Variants in TSHZ2 observed in about 807,000 individuals in gnomAD.
The protein encoded by TSHZ2 is teashirt zinc finger homeobox 2.
Under a neutral mutation model 74.4 loss-of-function variants are expected in TSHZ2, and 21 were observed. The ratio of observed to expected loss-of-function variants is 0.28; its 90% CI spans 0.20 to 0.41. TSHZ2 has a LOEUF of 0.41. Ranked by LOEUF, TSHZ2 falls within the 10% of genes least tolerant of loss-of-function variation. The probability of loss-of-function intolerance (pLI) is 1.00; values close to 1 mark genes in which losing one functional copy is unlikely to be tolerated. For missense variants in TSHZ2, 1,244 were observed against 1,293.5 expected (o/e 0.96, Z 0.59); for synonymous variants, 540 against 515.3 (o/e 1.05, Z -0.65).
chr20:53,251,340 T>C (rs1173386159), intron 1 of TSHZ2, among the ~76,000 whole-genome samples: 1 of 152,272 alleles, frequency 6.6e-6, no homozygotes. Context: ...CAACTTATTT[T>C]ATCATTTGTT....
At chr20:53,016,919 G>A (rs1266160422) in intron 1 of TSHZ2, among the ~76,000 whole-genome samples, 1 of 152,090 alleles carries the variant, frequency 6.6e-6, no homozygotes, top group Non-Finnish European at 1.5e-5. Context: ...TGAGTTGCAG[G>A]TGGGGGGCTT....
chr20:53,332,349 A>G (rs1233983492), intron 2 of TSHZ2, among the ~76,000 whole-genome samples: 3 of 152,304 alleles, frequency 2.0e-5, no homozygotes, highest in African/African-American at 7.2e-5. Flanking sequence ...TCAAAGGCAA[A>G]GGCAACAGCA....
At chr20:53,354,275 TGTG>T (rs1435181712) in intron 2 of TSHZ2, among the ~76,000 whole-genome samples, 1 of 152,180 alleles carries the variant, frequency 6.6e-6, no homozygotes, top group African/African-American at 2.4e-5. Context: ...ATGGTGCTCT[TGTG>T]GTGGCCTGTA....
intron 1 of TSHZ2, among the ~76,000 whole-genome samples, chr20:53,184,391 G>C (rs1172640286): frequency 6.6e-6 from 1 of 152,048 alleles, no homozygotes; most frequent in Non-Finnish European, 1.5e-5. Flanking sequence ...ACGCATCTTG[G>C]AGTTACTGTG....
intron 1 of TSHZ2, among the ~76,000 whole-genome samples, chr20:53,029,383 G>A (rs1983555890): frequency 6.6e-6 from 1 of 152,136 alleles, no homozygotes; most frequent in Admixed American, 6.6e-5. Flanking sequence ...GGTTTTAAAG[G>A]CATAAAGATG....
At chr20:53,210,135 C>G (rs1989267671) in intron 1 of TSHZ2, among the ~76,000 whole-genome samples, 2 of 152,234 alleles carry the variant, frequency 1.3e-5, no homozygotes, top group South Asian at 4.1e-4. Flanking sequence ...TGCTCAAACC[C>G]CTGAGGGGTG....
intron 1 of TSHZ2, among the ~76,000 whole-genome samples, chr20:53,067,764 G>A (rs1985037964): frequency 1.3e-5 from 2 of 152,238 alleles, no homozygotes; most frequent in African/African-American, 4.8e-5. Flanking sequence ...CAGTTCTGCT[G>A]TGGTTCTCTG....
chr20:53,114,601 G>C (rs993762198), intron 1 of TSHZ2, among the ~76,000 whole-genome samples: 1 of 152,024 alleles, frequency 6.6e-6, no homozygotes, highest in African/African-American at 2.4e-5. Context: ...TGTAAAATGG[G>C]CTTCTCAGTG....
At chr20:53,436,060 T>C (rs1169915254) in intron 2 of TSHZ2, among the ~76,000 whole-genome samples, 1 of 152,204 alleles carries the variant, frequency 6.6e-6, no homozygotes, top group Non-Finnish European at 1.5e-5. Context: ...AATGATAACA[T>C]ATTGTTATGA....
At chr20:53,465,731 A>C (rs748828845) in intron 2 of TSHZ2, among the ~76,000 whole-genome samples, 11 of 152,164 alleles carry the variant, frequency 7.2e-5, no homozygotes, top group South Asian at 2.1e-4. Flanking sequence ...AGTTTATAAG[A>C]GCTATCTTTA....
intron 1 of TSHZ2, among the ~76,000 whole-genome samples, chr20:53,164,300 T>G (rs143535637): frequency 6.6e-6 from 1 of 152,174 alleles, no homozygotes; most frequent in African/African-American, 2.4e-5. Context: ...CTACCAGAAA[T>G]GCAGGTCAAT....
At chr20:53,045,440 G>A (rs1600663365) in intron 1 of TSHZ2, among the ~76,000 whole-genome samples, 1 of 152,292 alleles carries the variant, frequency 6.6e-6, no homozygotes, top group Middle Eastern at 3.4e-3. Flanking sequence ...TGAATTCCTG[G>A]ATCCTTTTGA....
chr20:53,286,332 T>A (rs1205376500), intron 2 of TSHZ2, among the ~76,000 whole-genome samples: 2 of 152,200 alleles, frequency 1.3e-5, no homozygotes, highest in African/African-American at 2.4e-5. Context: ...AGACGTCAGG[T>A]CTGGAAGTGT....
intron 2 of TSHZ2, among the ~76,000 whole-genome samples, chr20:53,285,429 G>A (rs1184965087): frequency 1.3e-5 from 2 of 152,056 alleles, no homozygotes; most frequent in African/African-American, 4.8e-5. Context: ...TGAGAAATGG[G>A]GCCAGGTGCG....
At chr20:53,249,662 G>A (rs919157083) in intron 1 of TSHZ2, among the ~76,000 whole-genome samples, 12 of 152,188 alleles carry the variant, frequency 7.9e-5, no homozygotes, top group Non-Finnish European at 1.6e-4. Context: ...CCTCAGTCAG[G>A]AGAAGGATTG....
intron 1 of TSHZ2, among the ~76,000 whole-genome samples, chr20:53,090,567 A>G (rs957519774): frequency 6.6e-6 from 1 of 152,144 alleles, no homozygotes; most frequent in African/African-American, 2.4e-5. Flanking sequence ...CTGGGTTTGG[A>G]ATGGAGTGCA....
intron 1 of TSHZ2, among the ~76,000 whole-genome samples, chr20:53,204,425 T>C (rs1237333314): frequency 2.1e-5 from 3 of 145,778 alleles, no homozygotes; most frequent in Admixed American, 1.4e-4. Context: ...TATGATACTA[T>C]TATATCATAA....
intron 1 of TSHZ2, among the ~76,000 whole-genome samples, chr20:53,239,093 T>C (rs779556070): frequency 2.6e-5 from 4 of 152,192 alleles, no homozygotes; most frequent in Non-Finnish European, 5.9e-5. Context: ...ATTTGTTGCA[T>C]GAAACTGTCC....
chr20:53,406,981 C>T (rs1383466786), intron 2 of TSHZ2, among the ~76,000 whole-genome samples: 2 of 152,170 alleles, frequency 1.3e-5, no homozygotes, highest in Middle Eastern at 3.2e-3. Flanking sequence ...CCAAACTCAG[C>T]CCCACTTCAG....
Sources: allele counts gnomAD v4.1 joint callset (sites outside exome capture counted in the v4.1 genomes callset), GRCh38; gene constraint gnomAD v4.1.1; transcripts MANE v1.5; gene names NCBI Gene and HGNC (gene_info 2026-07-23, HGNC 2026-07-21).